The following TMEM132C variants were observed in gnomAD, a reference collection of about 807,000 sequenced individuals.
TMEM132C encodes the protein transmembrane protein 132C.
Under a neutral mutation model 61.4 loss-of-function variants are expected in TMEM132C, and 29 were observed. The observed-to-expected ratio is 0.47, with a 90% CI of 0.35 to 0.64. The LOEUF is 0.64. TMEM132C is among the 30% of genes least tolerant of loss of function. The pLI is 0.00. For synonymous variants in TMEM132C, 656 were observed against 633.1 expected, an observed-to-expected ratio of 1.04 and a Z score of -0.54; for missense variants, 1,408 against 1,476.9, an observed-to-expected ratio of 0.95 and a Z score of 0.76.
chr12:128,576,314 G>T (rs1875092568), intron 3 of TMEM132C, among the ~76,000 whole-genome samples: 1 of 152,114 alleles, frequency 6.6e-6, no homozygotes, highest in South Asian at 2.1e-4. Flanking sequence ...ATCTGTGAGG[G>T]TAGAGTCAAA....
At chr12:128,537,897 G>A (rs1873592428) in intron 2 of TMEM132C, among the ~76,000 whole-genome samples, 1 of 152,208 alleles carries the variant, frequency 6.6e-6, no homozygotes, top group Admixed American at 6.5e-5. Context: ...ATTGGGGGAA[G>A]CTGGATGATG....
At chr12:128,514,168 C>T (rs1385983458) in intron 2 of TMEM132C, among the ~76,000 whole-genome samples, 3 of 152,140 alleles carry the variant, frequency 2.0e-5, no homozygotes, top group Non-Finnish European at 4.4e-5. Context: ...TCCAAGTTGG[C>T]GGCACCCCTG....
intron 4 of TMEM132C, among the ~76,000 whole-genome samples, chr12:128,627,121 C>T (rs1954024341): frequency 6.6e-6 from 1 of 152,224 alleles, no homozygotes; most frequent in Non-Finnish European, 1.5e-5. Flanking sequence ...CACCTCATCC[C>T]TGGAGGCCCT....
chr12:128,638,731 A>T (rs1448037445), intron 4 of TMEM132C, among the ~76,000 whole-genome samples: 1 of 152,180 alleles, frequency 6.6e-6, no homozygotes, highest in Non-Finnish European at 1.5e-5. Context: ...GGAGAAGAGG[A>T]GGAGAATGAT....
rs144694796 is a variant in TMEM132C at position 128,517,296 on chromosome 12, G to A, written c.975-26661G>A. Among the ~76,000 whole-genome samples the A allele has an allele frequency of 8.5e-4, 128 of 151,350 alleles. 1 individual carries two copies. The highest frequency in any genetic ancestry group is 2.8e-3 in the African/African-American group (114 of 41,202). ...AACAAATATACAAAAAATTAGCCAG[G>A]CAGGGTGACACGCCTGTAATCCCAG... On this transcript the variant is annotated intron_variant, in intron 2 of 8. Transcript: ENST00000435159.
At chr12:128,581,441 G>C (rs1004148286) in intron 3 of TMEM132C, among the ~76,000 whole-genome samples, 7 of 152,154 alleles carry the variant, frequency 4.6e-5, no homozygotes, top group African/African-American at 1.7e-4. Flanking sequence ...CATCTGCAAA[G>C]GACACATTCC....
chr12:128,341,099 A>C (rs1206855044), intron 1 of TMEM132C, among the ~76,000 whole-genome samples: 1 of 151,716 alleles, frequency 6.6e-6, no homozygotes, highest in African/African-American at 2.4e-5. Flanking sequence ...CACTACCAGG[A>C]CCGGCTAGTT....
intron 1 of TMEM132C, among the ~76,000 whole-genome samples, chr12:128,350,161 C>A (rs144779222): frequency 4.6e-4 from 70 of 152,230 alleles, no homozygotes; most frequent in African/African-American, 1.7e-3. Context: ...AATCATCACT[C>A]CTTTTTTCGT....
intron 6 of TMEM132C, 121 bp downstream of exon 6, chr12:128,694,155 G>C: frequency 1.6e-6 from 2 of 1,216,752 alleles, no homozygotes; most frequent in South Asian, 3.1e-5. Flanking sequence ...AATCTCCCCA[G>C]GGCTCCCAGA....
chr12:128,409,908 A>G (rs148010699), intron 1 of TMEM132C, among the ~76,000 whole-genome samples: 1 of 152,338 alleles, frequency 6.6e-6, no homozygotes, highest in East Asian at 1.9e-4. Context: ...TGATGACAAG[A>G]TAGTGTCTTT....
chr12:128,440,202 C>T (rs1869736552), intron 2 of TMEM132C, among the ~76,000 whole-genome samples: 1 of 152,206 alleles, frequency 6.6e-6, no homozygotes, highest in Non-Finnish European at 1.5e-5. Flanking sequence ...TCAAAGGTCA[C>T]AACTAGTGGC....
intron 2 of TMEM132C, among the ~76,000 whole-genome samples, chr12:128,431,647 C>T (rs1386170525): frequency 4.7e-5 from 7 of 149,880 alleles, no homozygotes; most frequent in African/African-American, 1.7e-4. Flanking sequence ...CTCTGCCTCT[C>T]GGGTTCAAGC....
intron 2 of TMEM132C, among the ~76,000 whole-genome samples, chr12:128,443,748 C>T (rs571102916): frequency 1.3e-5 from 2 of 152,182 alleles, no homozygotes; most frequent in Non-Finnish European, 2.9e-5. Flanking sequence ...CCTAAAGGCT[C>T]GCTGTCTCCT....
intron 2 of TMEM132C, among the ~76,000 whole-genome samples, chr12:128,425,296 A>C (rs1032687461): frequency 1.3e-5 from 2 of 152,184 alleles, no homozygotes; most frequent in Non-Finnish European, 2.9e-5. Flanking sequence ...CTTGGCGCTC[A>C]TCTGGGAGGG....
At chr12:128,352,135 C>A (rs1873354807) in intron 1 of TMEM132C, among the ~76,000 whole-genome samples, 1 of 152,128 alleles carries the variant, frequency 6.6e-6, no homozygotes, top group African/African-American at 2.4e-5. Context: ...AGTGTGTTAG[C>A]CTGTTCTCAC....
chr12:128,506,717 G>C (rs562527303), intron 2 of TMEM132C, among the ~76,000 whole-genome samples: 75 of 152,228 alleles, frequency 4.9e-4, no homozygotes, highest in Non-Finnish European at 8.8e-4. Context: ...CATCCCAGTG[G>C]CTCCCATGCT....
chr12:128,429,263 T>C (rs543711016), intron 2 of TMEM132C, among the ~76,000 whole-genome samples: 52 of 152,284 alleles, frequency 3.4e-4, no homozygotes, highest in African/African-American at 1.2e-3. Flanking sequence ...GTGCTAGATA[T>C]CCTACAATGT....
At chr12:128,525,662 G>A (rs530839520) in intron 2 of TMEM132C, among the ~76,000 whole-genome samples, 117 of 152,198 alleles carry the variant, frequency 7.7e-4, no homozygotes, top group Middle Eastern at 3.4e-3. Flanking sequence ...AGAACCCATC[G>A]GCCTTACCCC....
Position 128,604,695 on chromosome 12 carries a change from T to C in TMEM132C, c.1122-11457T>C, listed in dbSNP as rs759534728. On this transcript the variant is annotated intron_variant, in intron 3 of 8. Coordinates refer to ENST00000435159, the MANE Select transcript of TMEM132C (RefSeq NM_001136103.3). ...GATAGATCATAGAGGGGTAGATAGA[T>C]AATAGATGGCTAGATAGATAAATAA... Among the ~76,000 whole-genome samples, 14 of 151,726 alleles carry C rather than the reference T, an allele frequency of 9.2e-5. No homozygotes were observed. The Middle Eastern group carries it at 0.011, about 115-fold the overall frequency.
Sources: gnomAD v4.1 joint callset for allele counts (sites outside exome capture counted in the v4.1 genomes callset) on GRCh38, gnomAD v4.1.1 for gene constraint, MANE v1.5 for transcripts, NCBI Gene and HGNC (gene_info 2026-07-23, HGNC 2026-07-21) for gene names.